The following ASAP1 variants were observed in gnomAD, a reference collection of about 807,000 sequenced individuals.
ASAP1 encodes arf-GAP with SH3 domain, ANK repeat and PH domain-containing protein 1.
ASAP1 carries 43 observed loss-of-function variants against 145.2 expected under a neutral mutation model. The observed-to-expected ratio is 0.30, with a 90% CI of 0.23 to 0.38. The LOEUF (loss-of-function observed/expected upper bound fraction) is 0.38, where lower values mean the gene tolerates loss of function less well. ASAP1 is among the 10% of genes least tolerant of loss of function. The pLI is 1.00. For synonymous variants in ASAP1, 546 were observed against 515.5 expected (o/e 1.06, Z -0.80); for missense variants, 1,018 against 1,355.3 (o/e 0.75, Z 3.91).
At chr8:130,099,293 C>T (rs559924844) in intron 24 of ASAP1, among the ~76,000 whole-genome samples, 1 of 152,168 alleles carries the variant, frequency 6.6e-6, no homozygotes, top group South Asian at 2.1e-4. Flanking sequence ...ATTCTCCTGC[C>T]TCAGCCTCCC....
intron 5 of ASAP1, among the ~76,000 whole-genome samples, chr8:130,189,530 T>C (rs7006658): frequency 0.18 from 27,106 of 152,194 alleles, 2,867 homozygotes; most frequent in African/African-American, 0.28. Context: ...GTATATATAC[T>C]GTATTTTCTT....
At chr8:130,209,713 A>G (rs1405203607) in intron 5 of ASAP1, among the ~76,000 whole-genome samples, 1 of 152,122 alleles carries the variant, frequency 6.6e-6, no homozygotes, top group Non-Finnish European at 1.5e-5. Flanking sequence ...CCAAAATATG[A>G]TGGTTGTTTT....
rs1357548763 is a variant in ASAP1, at chr8:130,092,052, T to C, written c.2493A>G (p.Pro831=). ...CGGATAGGGTTCTCTTGTGTCCGGG[T>C]GGTGGGGGAGGAGGCCTCTTCTTGG... The part of the protein sequence containing the change: ...TLSKKRPPPP[P]PGHKRTLSDP... Residue 831 remains proline, a synonymous_variant, in exon 25 of 30, where the codon CCA becomes CCG. Transcript: ENST00000518721. The C allele has an allele frequency of 6.4e-7, 1 of 1,571,542 alleles. No individual in the cohort carries two copies. Among genetic ancestry groups the C allele is most frequent in the Non-Finnish European group, 8.6e-7 (1 of 1,163,854 alleles).
At chr8:130,143,919 T>C (rs2097620007) in intron 13 of ASAP1, among the ~76,000 whole-genome samples, 1 of 152,204 alleles carries the variant, frequency 6.6e-6, no homozygotes, top group Non-Finnish European at 1.5e-5. Flanking sequence ...TCTTACTGAA[T>C]TGCTCTGCTT....
At chr8:130,189,308 TCCCTCCTCCCCA>T (rs1814972035) in intron 5 of ASAP1, among the ~76,000 whole-genome samples, 1 of 152,130 alleles carries the variant, frequency 6.6e-6, no homozygotes, top group Non-Finnish European at 1.5e-5. Context: ...CCCTCTTTAT[TCCCTCCTCCCCA>T]CTATCCTTCC....
intron 1 of ASAP1, among the ~76,000 whole-genome samples, chr8:130,425,195 G>A (rs927903152): frequency 1.3e-5 from 2 of 151,772 alleles, no homozygotes; most frequent in Non-Finnish European, 2.9e-5. Flanking sequence ...AGCTGGGCAT[G>A]GTAGCAGGCA....
At chr8:130,106,448 C>A (rs1198676317) in intron 24 of ASAP1, among the ~76,000 whole-genome samples, 1 of 152,202 alleles carries the variant, frequency 6.6e-6, no homozygotes, top group Non-Finnish European at 1.5e-5. Context: ...TACTCTTCTT[C>A]CTATCTACTG....
At chr8:130,376,757 G>T (rs1012294807) in intron 2 of ASAP1, among the ~76,000 whole-genome samples, 3 of 151,682 alleles carry the variant, frequency 2.0e-5, no homozygotes, top group African/African-American at 7.3e-5. Flanking sequence ...AAATAAATTA[G>T]CTGGGTGTGG....
intron 26 of ASAP1, among the ~76,000 whole-genome samples, chr8:130,078,102 G>A (rs1428555986): frequency 1.3e-5 from 2 of 151,206 alleles, no homozygotes; most frequent in Non-Finnish European, 2.9e-5. Flanking sequence ...TGATTCTCCT[G>A]CCTTAGCCTC....
intron 2 of ASAP1, among the ~76,000 whole-genome samples, chr8:130,399,625 C>T (rs1469726589): frequency 6.6e-6 from 1 of 152,118 alleles, no homozygotes; most frequent in Non-Finnish European, 1.5e-5. Context: ...ATTCAGGACA[C>T]ATTTGCTTAT....
intron 7 of ASAP1, among the ~76,000 whole-genome samples, chr8:130,183,324 G>C (rs1814497195): frequency 6.6e-6 from 1 of 151,884 alleles, no homozygotes; most frequent in Non-Finnish European, 1.5e-5. Flanking sequence ...TCAACATTTA[G>C]AGATAAAATT....
chr8:130,441,332 T>G (rs1327770776), intron 1 of ASAP1, among the ~76,000 whole-genome samples: 1 of 152,192 alleles, frequency 6.6e-6, no homozygotes, highest in African/African-American at 2.4e-5. Context: ...GGAGGTAACA[T>G]GTCTAGGGCA....
chr8:130,172,371 A>C (rs1036947800), intron 9 of ASAP1, among the ~76,000 whole-genome samples: 1 of 152,218 alleles, frequency 6.6e-6, no homozygotes, highest in Admixed American at 6.5e-5. Context: ...CCCAGAAATC[A>C]CCACTAAATA....
At chr8:130,072,446 C>T (rs1165315471) in intron 27 of ASAP1, among the ~76,000 whole-genome samples, 1 of 152,106 alleles carries the variant, frequency 6.6e-6, no homozygotes. Flanking sequence ...TGCCTGCTGC[C>T]ATGTAAGACG....
chr8:130,111,986 A>T (rs1174395466), intron 24 of ASAP1, 108 bp downstream of exon 24: 8 of 1,090,622 alleles, frequency 7.3e-6, no homozygotes, highest in Admixed American at 2.0e-5. Context: ...CGCGCCACTC[A>T]AATGTACCTT....
chr8:130,094,351 C>T (rs1203694446), intron 24 of ASAP1, among the ~76,000 whole-genome samples: 1 of 152,010 alleles, frequency 6.6e-6, no homozygotes, highest in Non-Finnish European at 1.5e-5. Context: ...GCTGGGACTA[C>T]AGGCATGTAT....
chr8:130,122,672 T>C (rs73425361), intron 18 of ASAP1, among the ~76,000 whole-genome samples: 5,291 of 152,326 alleles, frequency 0.035, 104 homozygotes, highest in Middle Eastern at 0.071. Flanking sequence ...GGCAGAGCTA[T>C]GATATGAACT....
chr8:130,367,780 G>GC (rs1350664106), intron 2 of ASAP1, among the ~76,000 whole-genome samples: 3 of 152,102 alleles, frequency 2.0e-5, no homozygotes, highest in Admixed American at 2.0e-4. Flanking sequence ...CTGGGTTGGG[G>GC]CCCCCGTTAA....
chr8:130,308,520 T>C (rs1823129772), intron 3 of ASAP1, among the ~76,000 whole-genome samples: 1 of 152,210 alleles, frequency 6.6e-6, no homozygotes, highest in Non-Finnish European at 1.5e-5. Flanking sequence ...GTAACTAAGA[T>C]CTTTTGATAA....
Sources: allele counts gnomAD v4.1 joint callset (sites outside exome capture counted in the v4.1 genomes callset), GRCh38; gene constraint gnomAD v4.1.1; transcripts MANE v1.5; gene names NCBI Gene and HGNC (gene_info 2026-07-23, HGNC 2026-07-21).